UNC5C: variants seen among roughly 807,000 people sequenced by gnomAD.
The protein encoded by UNC5C is netrin receptor UNC5C.
In UNC5C, 47 loss-of-function variants were observed where a neutral mutation model predicts 99.8. That is an observed-to-expected ratio of 0.47 (90% CI 0.37 to 0.60). The LOEUF is 0.60. Ranked by LOEUF, UNC5C falls within the 20% of genes least tolerant of loss-of-function variation. The probability of loss-of-function intolerance (pLI) is 0.00; values close to 1 mark genes in which losing one functional copy is unlikely to be tolerated. For missense variants in UNC5C, 1,062 were observed against 1,165.9 expected (o/e 0.91, Z 1.30); for synonymous variants, 487 against 452.2 (o/e 1.08, Z -0.98).
intron 12 of UNC5C, among the ~76,000 whole-genome samples, chr4:95,187,032 GAGAAGA>G (rs922161778): frequency 6.6e-6 from 1 of 152,138 alleles, no homozygotes; most frequent in African/African-American, 2.4e-5. Context: ...TGTGGAAGTG[GAGAAGA>G]AGAAGAAAAG....
intron 14 of UNC5C, among the ~76,000 whole-genome samples, chr4:95,182,438 C>T (rs1334035250): frequency 1.3e-5 from 2 of 152,058 alleles, no homozygotes; most frequent in Admixed American, 6.5e-5. Flanking sequence ...AGAGAAGCCC[C>T]TCTCCTTTCT....
At chr4:95,364,692 T>C (rs1339938294) in intron 1 of UNC5C, among the ~76,000 whole-genome samples, 1 of 152,166 alleles carries the variant, frequency 6.6e-6, no homozygotes, top group East Asian at 1.9e-4. Context: ...TTAATTTCTT[T>C]TTCATCCTAA....
At chr4:95,238,901 C>T (rs2149376850) in intron 7 of UNC5C, among the ~76,000 whole-genome samples, 1 of 152,112 alleles carries the variant, frequency 6.6e-6, no homozygotes, top group East Asian at 1.9e-4. Flanking sequence ...TTGTTTTTTT[C>T]TCCAAATCTG....
At chr4:95,371,120 GT>G (rs991362899) in intron 1 of UNC5C, among the ~76,000 whole-genome samples, 2 of 152,088 alleles carry the variant, frequency 1.3e-5, no homozygotes, top group Non-Finnish European at 2.9e-5. Context: ...TTTAAACATT[GT>G]TTAGTCCAAA....
At chr4:95,256,699 A>AATATATATATATATATAAATATAT (rs1553958326) in intron 4 of UNC5C, among the ~76,000 whole-genome samples, 8 of 90,632 alleles carry the variant, frequency 8.8e-5, no homozygotes, top group South Asian at 5.1e-4. Flanking sequence ...GAACTAAATA[A>AATATATATATATATATAAATATAT]ATATATATAT....
intron 1 of UNC5C, among the ~76,000 whole-genome samples, chr4:95,459,046 C>T (rs952742142): frequency 3.0e-4 from 46 of 152,060 alleles, no homozygotes; most frequent in Admixed American, 9.8e-4. Context: ...TTGATTTACA[C>T]CCCTGTTATC....
At chr4:95,292,560 T>C (rs1231796907) in intron 3 of UNC5C, among the ~76,000 whole-genome samples, 4 of 152,070 alleles carry the variant, frequency 2.6e-5, no homozygotes, top group Non-Finnish European at 5.9e-5. Flanking sequence ...ATGTGGACCT[T>C]ACTTTCTAAG....
At chr4:95,519,596 A>T (rs1722299852) in intron 1 of UNC5C, among the ~76,000 whole-genome samples, 1 of 152,156 alleles carries the variant, frequency 6.6e-6, no homozygotes, top group Non-Finnish European at 1.5e-5. Context: ...TTTGACTGGA[A>T]CTCATTGGAC....
chr4:95,285,651 C>T (rs894311542), intron 3 of UNC5C, among the ~76,000 whole-genome samples: 7 of 152,022 alleles, frequency 4.6e-5, no homozygotes, highest in African/African-American at 1.7e-4. Flanking sequence ...TGCTGTTTTT[C>T]AAACTGAGTG....
intron 1 of UNC5C, among the ~76,000 whole-genome samples, chr4:95,372,995 G>A (rs1322134496): frequency 6.6e-6 from 1 of 152,146 alleles, no homozygotes; most frequent in Non-Finnish European, 1.5e-5. Context: ...ACTCCTTGAA[G>A]CTAGGATTAA....
chr4:95,424,950 C>T (rs1176889986), intron 1 of UNC5C, among the ~76,000 whole-genome samples: 1 of 152,130 alleles, frequency 6.6e-6, no homozygotes, highest in Non-Finnish European at 1.5e-5. Flanking sequence ...AGGGAAAGGA[C>T]CGGACTAGGC....
intron 14 of UNC5C, among the ~76,000 whole-genome samples, chr4:95,173,598 A>G (rs1164041321): frequency 2.1e-5 from 3 of 144,170 alleles, no homozygotes; most frequent in South Asian, 2.3e-4. Flanking sequence ...AGCCCACTTG[A>G]TCATGGTGGA....
chr4:95,360,008 A>G (rs1299614200), intron 1 of UNC5C, among the ~76,000 whole-genome samples: 1 of 152,164 alleles, frequency 6.6e-6, no homozygotes, highest in Non-Finnish European at 1.5e-5. Flanking sequence ...GCTAGTAAGT[A>G]GCAAACATTC....
At chr4:95,396,651 A>T (rs1398543001) in intron 1 of UNC5C, among the ~76,000 whole-genome samples, 4 of 152,088 alleles carry the variant, frequency 2.6e-5, no homozygotes, top group Non-Finnish European at 5.9e-5. Context: ...GTTCCTTCTG[A>T]ATGATGCCTT....
chr4:95,384,271 A>T (rs1296300635), intron 1 of UNC5C, among the ~76,000 whole-genome samples: 1 of 152,206 alleles, frequency 6.6e-6, no homozygotes, highest in African/African-American at 2.4e-5. Context: ...ATGCTTATGG[A>T]TAGCCTCTAT....
intron 12 of UNC5C, among the ~76,000 whole-genome samples, chr4:95,196,541 A>G (rs982821380): frequency 6.6e-6 from 1 of 151,532 alleles, no homozygotes; most frequent in African/African-American, 2.4e-5. Context: ...CAGTGCTTTC[A>G]AATTGCTAAA....
intron 1 of UNC5C, among the ~76,000 whole-genome samples, chr4:95,458,853 A>G (rs931862849): frequency 3.9e-5 from 6 of 152,090 alleles, no homozygotes; most frequent in African/African-American, 9.7e-5. Flanking sequence ...TAGTAATCCC[A>G]TATTTTAAAT....
At chr4:95,191,562 G>A (rs1223218238) in intron 12 of UNC5C, among the ~76,000 whole-genome samples, 3 of 150,952 alleles carry the variant, frequency 2.0e-5, no homozygotes, top group African/African-American at 7.3e-5. Context: ...CCCACTTTGT[G>A]CTCACCCTCC....
chr4:95,272,278 C>T (rs1468471450), intron 4 of UNC5C, among the ~76,000 whole-genome samples: 1 of 152,172 alleles, frequency 6.6e-6, no homozygotes, highest in Non-Finnish European at 1.5e-5. Context: ...TGCAGTAAAT[C>T]TTTCTTATAT....
Sources: allele counts gnomAD v4.1 joint callset (sites outside exome capture counted in the v4.1 genomes callset), GRCh38; gene constraint gnomAD v4.1.1; transcripts MANE v1.5; gene names NCBI Gene and HGNC (gene_info 2026-07-23, HGNC 2026-07-21).